RAMP1: variants seen among roughly 807,000 people sequenced by gnomAD.
RAMP1 encodes receptor activity-modifying protein 1.
A neutral mutation model predicts 8.2 loss-of-function variants in RAMP1; 7 were observed. The observed-to-expected ratio is 0.85, with a 90% CI of 0.49 to 1.60. The LOEUF is 1.60. Among genes scored for constraint, RAMP1 ranks in the 40% most tolerant of loss-of-function variants. The pLI is 0.00. For synonymous variants in RAMP1, 92 were observed against 84.7 expected, an observed-to-expected ratio of 1.09 and a Z score of -0.47; for missense variants, 192 against 202.4, an observed-to-expected ratio of 0.95 and a Z score of 0.31.
chr2:237,883,236 G>A (rs2062389979), intron 2 of RAMP1, among the ~76,000 whole-genome samples: 1 of 152,172 alleles, frequency 6.6e-6, no homozygotes, highest in South Asian at 2.1e-4. Flanking sequence ...AGGTATCTTG[G>A]TATATGGCAG....
intron 2 of RAMP1, among the ~76,000 whole-genome samples, chr2:237,888,820 G>A (rs1285751049): frequency 1.3e-5 from 2 of 152,078 alleles, no homozygotes; most frequent in Non-Finnish European, 2.9e-5. Flanking sequence ...TGCCCAGGCT[G>A]GAGTGCAGCG....
chr2:237,911,229 C>T (rs2062709094), intron 2 of RAMP1, among the ~76,000 whole-genome samples: 1 of 116,756 alleles, frequency 8.6e-6, no homozygotes, highest in Non-Finnish European at 2.0e-5. Flanking sequence ...GGCAGAGGTT[C>T]GGGCCTTATT....
chr2:237,867,754 G>C (rs1373432762), intron 1 of RAMP1, among the ~76,000 whole-genome samples: 1 of 152,200 alleles, frequency 6.6e-6, no homozygotes, highest in Non-Finnish European at 1.5e-5. Flanking sequence ...GTTGGCCACT[G>C]TTTGTTCTGA....
chr2:237,869,412 G>C (rs1168397510), intron 1 of RAMP1, among the ~76,000 whole-genome samples: 1 of 152,108 alleles, frequency 6.6e-6, no homozygotes, highest in African/African-American at 2.4e-5. Context: ...TTGCAAAACT[G>C]AAACTCTGTC....
chr2:237,864,598 C>T (rs1395837856), intron 1 of RAMP1, among the ~76,000 whole-genome samples: 6 of 152,180 alleles, frequency 3.9e-5, no homozygotes, highest in East Asian at 1.9e-4. Context: ...CTCTCACACA[C>T]GTGGGACACC....
chr2:237,864,869 C>A (rs1057346877), intron 1 of RAMP1, among the ~76,000 whole-genome samples: 1 of 147,746 alleles, frequency 6.8e-6, no homozygotes. Flanking sequence ...AGGGCAAGGA[C>A]GGTTGTGCAA....
At chr2:237,869,461 C>G (rs939060334) in intron 1 of RAMP1, among the ~76,000 whole-genome samples, 1 of 152,192 alleles carries the variant, frequency 6.6e-6, no homozygotes, top group Admixed American at 6.5e-5. Flanking sequence ...TACCACCTCC[C>G]CCAGCCCCTG....
intron 2 of RAMP1, among the ~76,000 whole-genome samples, chr2:237,899,314 G>T (rs1008937175): frequency 6.6e-6 from 1 of 152,162 alleles, no homozygotes; most frequent in Non-Finnish European, 1.5e-5. Flanking sequence ...CAGGTGACCC[G>T]CCCGCCTCGG....
intron 2 of RAMP1, among the ~76,000 whole-genome samples, chr2:237,880,802 C>A (rs1412455659): frequency 1.3e-5 from 2 of 152,190 alleles, no homozygotes; most frequent in Non-Finnish European, 2.9e-5. Flanking sequence ...TACTTAAAGA[C>A]AACTGATGAT....
At chr2:237,859,493 G>A, upstream of RAMP1, 3 of 190,824 alleles carry the variant, frequency 1.6e-5, no homozygotes, top group Non-Finnish European at 2.9e-5. Flanking sequence ...ACCGGCCCTG[G>A]GCGCCCCCGG....
chr2:237,863,761 A>G (rs3754695), intron 1 of RAMP1, among the ~76,000 whole-genome samples: 35,309 of 150,514 alleles, frequency 0.23, 4,924 homozygotes, highest in African/African-American at 0.4. Flanking sequence ...CCCCGACTCT[A>G]CGTTCTCAGC....
In RAMP1 at chr2:237,886,183, C is replaced by T. The variant is rs541705986; in HGVS notation, c.191+8821C>T. On this transcript the variant is annotated intron_variant, in intron 2 of 2. Transcript: ENST00000254661. ...AGGGCTGGGCAGAGTGGGGCAGTGG[C>T]TGGGGATATGCCGGCCCTGCCCAGG... 2.6e-5 allele frequency among the ~76,000 whole-genome samples: 4 copies of T among 152,252 alleles called. No individual in the cohort carries two copies. In the South Asian group the frequency reaches 8.3e-4, roughly 32 times the overall value.
At chr2:237,900,293 TG>T (rs1183646615) in intron 2 of RAMP1, among the ~76,000 whole-genome samples, 1 of 152,172 alleles carries the variant, frequency 6.6e-6, no homozygotes, top group Non-Finnish European at 1.5e-5. Flanking sequence ...TCAAGTTAAC[TG>T]GGACTACAGG....
At chr2:237,911,488 C>T (rs199624790) in intron 2 of RAMP1, 40 bp from the exon 3 acceptor site, 53 of 1,604,576 alleles carry the variant, frequency 3.3e-5, no homozygotes, top group East Asian at 4.5e-5. Flanking sequence ...TTGGATCCCC[C>T]GCCTGCCCAG....
rs2062544718 is a variant in RAMP1, at chr2:237,896,581, C to G, written c.192-14947C>G. Among the ~76,000 whole-genome samples the G allele has an allele frequency of 5.3e-5, 8 of 152,230 alleles. No individual in the cohort carries two copies. In the South Asian group the frequency reaches 1.7e-3, roughly 32 times the overall value. Reference sequence around the variant, plus strand: ...TTTCTGTAAGGAGGGGGTAAGAACACCTGCCCTCGGGTGATGTGAGAAGCA... The same window carrying G: ...TTTCTGTAAGGAGGGGGTAAGAACAGCTGCCCTCGGGTGATGTGAGAAGCA... On this transcript the variant is annotated intron_variant, in intron 2 of 2. Transcript: ENST00000254661.
Position 237,884,889 on chromosome 2 carries a change from A to T in RAMP1, c.191+7527A>T, listed in dbSNP as rs140092343. On this transcript the variant is annotated intron_variant, in intron 2 of 2. Transcript: ENST00000254661. The stretch of plus-strand genomic sequence containing the variant: ...TCATGGGCCCTCCCCCAGCCCAAGG[A>T]GCTGCTCAGAGGACGGGGCTCCAGG... Among the ~76,000 whole-genome samples the T allele has an allele frequency of 2.3e-3, 348 of 152,272 alleles. 3 individuals carry two copies. The highest frequency in any genetic ancestry group is 8.1e-3 in the African/African-American group (338 of 41,556).
chr2:237,894,941 A>G (rs2062524398), intron 2 of RAMP1, among the ~76,000 whole-genome samples: 1 of 152,126 alleles, frequency 6.6e-6, no homozygotes, highest in African/African-American at 2.4e-5. Context: ...TCGACAAGTT[A>G]GGTGAAGGCA....
chr2:237,907,963 G>A (rs975502629), intron 2 of RAMP1, among the ~76,000 whole-genome samples: 22 of 152,350 alleles, frequency 1.4e-4, no homozygotes, highest in South Asian at 4.1e-4. Context: ...CTGTCAGACC[G>A]TTAGTGTGGG....
Position 237,877,297 on chromosome 2 carries a change from C to T in RAMP1, c.126C>T (p.Thr42=). 1 of 1,614,062 alleles carries T rather than the reference C, an allele frequency of 6.2e-7. No homozygotes were observed. Among genetic ancestry groups the T allele is most frequent in the Non-Finnish European group, 8.5e-7 (1 of 1,180,020 alleles). The stretch of plus-strand genomic sequence containing the variant: ...CCCTCCTCCGGGAGCTCTGCCTCAC[C>T]CAGTTCCAGGTAGACATGGAGGCCG... The part of the protein sequence containing the change: ...YGALLRELCL[T]QFQVDMEAVG... The change falls in exon 2 of 3, where the codon ACC becomes ACT. Residue 42 remains threonine, a synonymous_variant. Transcript: ENST00000254661. This position sits in a 1 kb window ranked among gnomAD's most constrained non-coding sequence, Gnocchi z 4.4.
Sources: gnomAD v4.1 joint callset for allele counts (sites outside exome capture counted in the v4.1 genomes callset) on GRCh38, gnomAD v4.1.1 for gene constraint, Gnocchi (gnomAD v3.1) non-coding constraint, MANE v1.5 for transcripts, NCBI Gene and HGNC (gene_info 2026-07-23, HGNC 2026-07-21) for gene names.